Variants in ZFAND3 observed in about 807,000 individuals in gnomAD.
The protein encoded by ZFAND3 is AN1-type zinc finger protein 3.
In ZFAND3, 10 loss-of-function variants were observed where a neutral mutation model predicts 29.6. The observed-to-expected ratio is 0.34, with a 90% confidence interval of 0.21 to 0.57. ZFAND3 has a LOEUF of 0.57. Among genes scored for constraint, ZFAND3 ranks in the 20% least tolerant of loss-of-function variants. The probability of loss-of-function intolerance (pLI) is 0.86; values close to 1 mark genes in which losing one functional copy is unlikely to be tolerated. For missense variants in ZFAND3, 230 were observed against 304.5 expected (o/e 0.76, Z 1.82); for synonymous variants, 128 against 112.6 (o/e 1.14, Z -0.87).
At chr6:38,009,604 C>T (rs972493761) in intron 2 of ZFAND3, among the ~76,000 whole-genome samples, 1 of 152,150 alleles carries the variant, frequency 6.6e-6, no homozygotes, top group Non-Finnish European at 1.5e-5. Context: ...TACGTAGCCA[C>T]CATCCAGATT....
At chr6:37,911,159 A>G (rs890452105) in intron 1 of ZFAND3, among the ~76,000 whole-genome samples, 1 of 152,208 alleles carries the variant, frequency 6.6e-6, no homozygotes, top group Non-Finnish European at 1.5e-5. Flanking sequence ...GTAGTATACA[A>G]GGGTTCCCTT....
intron 2 of ZFAND3, among the ~76,000 whole-genome samples, chr6:38,012,848 T>A (rs530481425): frequency 6.6e-6 from 1 of 152,272 alleles, no homozygotes; most frequent in South Asian, 2.1e-4. Context: ...CTCTTAAGTG[T>A]ACATCAGGAG....
intron 1 of ZFAND3, among the ~76,000 whole-genome samples, chr6:37,842,197 C>G (rs34682476): frequency 0.032 from 4,907 of 152,204 alleles, 90 homozygotes; most frequent in Middle Eastern, 0.041. Context: ...TTGGGGAGGA[C>G]ACCGACATTG....
intron 2 of ZFAND3, among the ~76,000 whole-genome samples, chr6:37,954,157 T>C (rs1324098677): frequency 6.6e-6 from 1 of 152,180 alleles, no homozygotes; most frequent in African/African-American, 2.4e-5. Context: ...ATTTTCTCTT[T>C]ATGGCTGGTT....
At chr6:38,146,894 A>T (rs1766120426) in intron 5 of ZFAND3, among the ~76,000 whole-genome samples, 1 of 152,224 alleles carries the variant, frequency 6.6e-6, no homozygotes, top group South Asian at 2.1e-4. Flanking sequence ...GAAAGTGTAG[A>T]TATGGGAATG....
chr6:38,016,689 A>G (rs897683253), intron 2 of ZFAND3, among the ~76,000 whole-genome samples: 8 of 152,200 alleles, frequency 5.3e-5, no homozygotes, highest in Non-Finnish European at 7.3e-5. Flanking sequence ...CATACATGGT[A>G]TGTAAAGGTA....
At chr6:38,048,561 G>T (rs1039048122) in intron 2 of ZFAND3, among the ~76,000 whole-genome samples, 1 of 139,014 alleles carries the variant, frequency 7.2e-6, no homozygotes, top group African/African-American at 2.8e-5. Context: ...GGTGGGGCTT[G>T]CAGTGAGCCG....
At chr6:37,863,337 T>C (rs1029725067) in intron 1 of ZFAND3, among the ~76,000 whole-genome samples, 1 of 152,232 alleles carries the variant, frequency 6.6e-6, no homozygotes, top group African/African-American at 2.4e-5. Flanking sequence ...TGCCAGACTG[T>C]CTCATTAGGT....
At chr6:38,045,054 T>TTTTATTTACTTA (rs1763869990) in intron 2 of ZFAND3, among the ~76,000 whole-genome samples, 2 of 134,784 alleles carry the variant, frequency 1.5e-5, no homozygotes, top group African/African-American at 5.5e-5. Context: ...GTGGAAATTC[T>TTTTATTTACTTA]TTTATTTATT....
intron 2 of ZFAND3, among the ~76,000 whole-genome samples, chr6:37,941,905 C>T (rs1393885775): frequency 1.3e-5 from 2 of 152,144 alleles, no homozygotes; most frequent in African/African-American, 2.4e-5. Flanking sequence ...TGTATTTGCT[C>T]ATTTGGAAAC....
Position 38,154,406 on chromosome 6 carries a change from C to A in ZFAND3, c.*2017C>A, listed in dbSNP as rs1053551507. The stretch of plus-strand genomic sequence containing the variant: ...GTGGGGGGTGGGGCTTGTTCCCCTG[C>A]AGTATCTGTTCTGTGAAGTTTGTTA... On this transcript the variant is annotated 3_prime_UTR_variant, in exon 6 of 6. Transcript: ENST00000287218. The A allele has an allele frequency of 9.1e-6, 9 of 985,332 alleles. No individual in the cohort carries two copies. In the Admixed American group the frequency reaches 1.8e-4, roughly 20 times the overall value. The allele number at this position is 985,332 out of a possible 1,614,324, so 61.0% of individuals were successfully genotyped here.
chr6:37,841,628 G>A (rs1442274575), intron 1 of ZFAND3, among the ~76,000 whole-genome samples: 1 of 152,006 alleles, frequency 6.6e-6, no homozygotes, highest in Non-Finnish European at 1.5e-5. Context: ...GGGCTACAGG[G>A]CCTGCCACCA....
chr6:37,965,611 T>C (rs1762279894), intron 2 of ZFAND3, among the ~76,000 whole-genome samples: 1 of 152,010 alleles, frequency 6.6e-6, no homozygotes, highest in Non-Finnish European at 1.5e-5. Context: ...CTTCCCTTCT[T>C]GTCCTTCACT....
chr6:37,927,867 T>A (rs1761517127), intron 1 of ZFAND3, among the ~76,000 whole-genome samples: 1 of 152,230 alleles, frequency 6.6e-6, no homozygotes, highest in Non-Finnish European at 1.5e-5. Flanking sequence ...ATACAGGTGT[T>A]GGAATTAGAC....
intron 1 of ZFAND3, among the ~76,000 whole-genome samples, chr6:37,899,917 A>G (rs1329134451): frequency 2.0e-5 from 3 of 152,188 alleles, no homozygotes; most frequent in Non-Finnish European, 4.4e-5. Flanking sequence ...TTTAAACAGT[A>G]TATGTTTGGG....
chr6:38,061,117 A>G (rs985817021), intron 2 of ZFAND3, among the ~76,000 whole-genome samples: 1 of 152,160 alleles, frequency 6.6e-6, no homozygotes, highest in African/African-American at 2.4e-5. Flanking sequence ...TAGTCCAAAT[A>G]TTCTGCCTTT....
chr6:37,971,273 A>T (rs1189725483), intron 2 of ZFAND3, among the ~76,000 whole-genome samples: 3 of 152,102 alleles, frequency 2.0e-5, no homozygotes, highest in Non-Finnish European at 4.4e-5. Context: ...CTCTTATTGT[A>T]TATACTGAAC....
At chr6:38,088,954 A>G (rs1410542545) in intron 4 of ZFAND3, among the ~76,000 whole-genome samples, 1 of 152,110 alleles carries the variant, frequency 6.6e-6, no homozygotes, top group Non-Finnish European at 1.5e-5. Context: ...AAGCATGTTA[A>G]TTCAATTTTA....
chr6:37,896,393 A>G (rs1014631105), intron 1 of ZFAND3, among the ~76,000 whole-genome samples: 1 of 152,060 alleles, frequency 6.6e-6, no homozygotes, highest in South Asian at 2.1e-4. Flanking sequence ...ACTCCCATGA[A>G]AAAACCCAAC....
Sources: allele counts gnomAD v4.1 joint callset (sites outside exome capture counted in the v4.1 genomes callset), GRCh38; gene constraint gnomAD v4.1.1; transcripts MANE v1.5; gene names NCBI Gene and HGNC (gene_info 2026-07-23, HGNC 2026-07-21).